The following RBFOX1 variants were observed in gnomAD, a reference collection of about 807,000 sequenced individuals.
The protein encoded by RBFOX1 is RNA binding fox-1 homolog 1.
A neutral mutation model predicts 57.7 loss-of-function variants in RBFOX1; 8 were observed. The observed-to-expected ratio is 0.14, with a 90% confidence interval of 0.08 to 0.25. RBFOX1 has a LOEUF of 0.25. Ranked by LOEUF, RBFOX1 falls within the 10% of genes least tolerant of loss-of-function variation. The pLI is 1.00. For missense variants in RBFOX1, 611 were observed against 548.5 expected, an observed-to-expected ratio of 1.11 and a Z score of -1.14; for synonymous variants, 326 against 222.4, an observed-to-expected ratio of 1.47 and a Z score of -4.15.
intron 4 of RBFOX1, among the ~76,000 whole-genome samples, chr16:5,886,502 G>A (rs1370855057): frequency 6.6e-6 from 1 of 152,142 alleles, no homozygotes; most frequent in South Asian, 2.1e-4. Flanking sequence ...GTTCTCAATG[G>A]CTATTTTAAT....
At chr16:7,136,699 G>T (rs2072096741) in intron 4 of RBFOX1, among the ~76,000 whole-genome samples, 1 of 152,150 alleles carries the variant, frequency 6.6e-6, no homozygotes, top group Non-Finnish European at 1.5e-5. Context: ...TTACGGGTGT[G>T]AGTCACTTCA....
chr16:5,605,924 A>G (rs957182961), intron 3 of RBFOX1, among the ~76,000 whole-genome samples: 3 of 152,126 alleles, frequency 2.0e-5, no homozygotes, highest in Non-Finnish European at 2.9e-5. Flanking sequence ...AGCAGCCATC[A>G]TGGAACCCAT....
intron 3 of RBFOX1, among the ~76,000 whole-genome samples, chr16:7,049,596 G>A (rs1270105418): frequency 6.6e-6 from 1 of 152,026 alleles, no homozygotes; most frequent in African/African-American, 2.4e-5. Context: ...TTCAGCCCTT[G>A]GCTACCTTGC....
chr16:6,105,935 C>T (rs968500847), intron 1 of RBFOX1, among the ~76,000 whole-genome samples: 3 of 151,968 alleles, frequency 2.0e-5, no homozygotes, highest in African/African-American at 7.3e-5. Context: ...AGTAACCCAA[C>T]ATTTTTGGAT....
chr16:6,286,549 G>C (rs904402904), intron 1 of RBFOX1, among the ~76,000 whole-genome samples: 4 of 152,330 alleles, frequency 2.6e-5, no homozygotes, highest in South Asian at 2.1e-4. Context: ...AGAATATTAA[G>C]TTTGGGGAGT....
At chr16:6,040,685 C>G (rs1418409329) in intron 1 of RBFOX1, among the ~76,000 whole-genome samples, 1 of 151,922 alleles carries the variant, frequency 6.6e-6, no homozygotes, top group African/African-American at 2.4e-5. Flanking sequence ...AACTCTGCCT[C>G]CTGAGTTCAA....
chr16:6,232,684 A>G (rs1038266723), intron 1 of RBFOX1, among the ~76,000 whole-genome samples: 8 of 152,314 alleles, frequency 5.3e-5, no homozygotes, highest in Middle Eastern at 3.4e-3. Context: ...AAACCTATTT[A>G]AGGTCCGTGC....
intron 14 of RBFOX1, among the ~76,000 whole-genome samples, chr16:7,677,939 A>C (rs576837803): frequency 3.9e-5 from 6 of 152,256 alleles, no homozygotes; most frequent in African/African-American, 1.4e-4. Context: ...CTTTCTCTGC[A>C]GTTCCATTCC....
At chr16:7,098,421 A>G (rs547266014) in intron 4 of RBFOX1, among the ~76,000 whole-genome samples, 3 of 152,202 alleles carry the variant, frequency 2.0e-5, no homozygotes, top group African/African-American at 7.2e-5. Context: ...CCACCTGCCT[A>G]GGCCTCCCAA....
At chr16:6,737,493 C>G (rs556995203) in intron 3 of RBFOX1, among the ~76,000 whole-genome samples, 10 of 152,230 alleles carry the variant, frequency 6.6e-5, no homozygotes, top group African/African-American at 2.2e-4. Context: ...TTCAGATGGC[C>G]AAAACAGCTA....
intron 4 of RBFOX1, among the ~76,000 whole-genome samples, chr16:7,091,748 T>A (rs1038397302): frequency 6.6e-6 from 1 of 152,202 alleles, no homozygotes; most frequent in Admixed American, 6.5e-5. Context: ...ATTCTGCATT[T>A]TCTTTCCTGA....
chr16:7,026,718 C>G (rs748426555), intron 3 of RBFOX1, among the ~76,000 whole-genome samples: 2 of 152,192 alleles, frequency 1.3e-5, no homozygotes, highest in Admixed American at 6.5e-5. Flanking sequence ...TCTGAACCCT[C>G]TTTCTTCCAT....
At chr16:7,211,085 TAAAAA>T (rs59344460) in intron 4 of RBFOX1, among the ~76,000 whole-genome samples, 53 of 144,386 alleles carry the variant, frequency 3.7e-4, no homozygotes, top group East Asian at 1.5e-3. Flanking sequence ...TACATACACT[TAAAAA>T]AAAAAAAAAA....
At chr16:7,296,330 G>A (rs1401718763) in intron 4 of RBFOX1, among the ~76,000 whole-genome samples, 1 of 148,990 alleles carries the variant, frequency 6.7e-6, no homozygotes, top group African/African-American at 2.5e-5. Context: ...ACAGTAGACA[G>A]TGTATGTGAG....
intron 2 of RBFOX1, among the ~76,000 whole-genome samples, chr16:5,539,109 C>T (rs1041900609): frequency 3.3e-5 from 5 of 152,092 alleles, no homozygotes; most frequent in South Asian, 2.1e-4. Context: ...TGTGTCTTTC[C>T]GAGGGCACGT....
chr16:6,965,155 C>T (rs1348120552), intron 3 of RBFOX1, among the ~76,000 whole-genome samples: 1 of 152,044 alleles, frequency 6.6e-6, no homozygotes, highest in African/African-American at 2.4e-5. Context: ...GGCAACTGTA[C>T]TGCTGCAGAT....
intron 3 of RBFOX1, among the ~76,000 whole-genome samples, chr16:6,660,960 T>A (rs971015001): frequency 1.3e-5 from 2 of 151,808 alleles, no homozygotes; most frequent in African/African-American, 4.8e-5. Flanking sequence ...TGCACCTGCC[T>A]GCCAAGTCCA....
chr16:6,994,945 T>TTGTGTGTG (rs145095044), intron 3 of RBFOX1, among the ~76,000 whole-genome samples: 5,890 of 148,060 alleles, frequency 0.04, 303 homozygotes, highest in African/African-American at 0.12. Context: ...TTGCATTATT[T>TTGTGTGTG]TGTGTGTGTG....
In RBFOX1 at chr16:5,480,369, A is replaced by G. The variant is rs115912138; in HGVS notation, c.258+13115A>G. On this transcript the variant is annotated intron_variant, in intron 2 of 2. Coordinates refer to the RBFOX1 transcript ENST00000585867. ...CACCTCGCCCATCTATGCATCATGTATAGATTATTTAAAAAAAAAAACCCA... is the reference window on the plus strand; with the variant it reads ...CACCTCGCCCATCTATGCATCATGTGTAGATTATTTAAAAAAAAAAACCCA... Among the ~76,000 whole-genome samples the G allele has an allele frequency of 5.3e-3, 729 of 137,034 alleles. 3 individuals carry two copies. Among genetic ancestry groups the G allele is most frequent in the African/African-American group, 0.018 (705 of 40,240 alleles). The allele number at this position is 137,034 out of a possible 152,430, so 89.9% of individuals were successfully genotyped here. A position where few individuals can be genotyped will look rare whatever the true frequency, so the allele number is the denominator to read the frequency against.
Sources: gnomAD v4.1 joint callset for allele counts (sites outside exome capture counted in the v4.1 genomes callset) on GRCh38, gnomAD v4.1.1 for gene constraint, MANE v1.5 for transcripts, NCBI Gene and HGNC (gene_info 2026-07-23, HGNC 2026-07-21) for gene names.